Variants in L3MBTL3 observed in about 807,000 individuals in gnomAD.
L3MBTL3 encodes L3MBTL histone methyl-lysine binding protein 3, also known as lethal(3)malignant brain tumor-like protein 3.
In L3MBTL3, 27 loss-of-function variants were observed where a neutral mutation model predicts 102.3. The observed-to-expected ratio is 0.26, with a 90% CI of 0.19 to 0.36. L3MBTL3 has a LOEUF of 0.36. Ranked by LOEUF, L3MBTL3 falls within the 10% of genes least tolerant of loss-of-function variation. L3MBTL3 has a pLI of 1.00. For missense variants in L3MBTL3, 798 were observed against 955.3 expected (o/e 0.84, Z 2.17); for synonymous variants, 340 against 320.9 (o/e 1.06, Z -0.64).
intron 20 of L3MBTL3, among the ~76,000 whole-genome samples, chr6:130,121,472 GC>G (rs780354628): frequency 7.2e-5 from 11 of 152,214 alleles, no homozygotes; most frequent in Admixed American, 2.6e-4. Flanking sequence ...TTTGCAGGCA[GC>G]AAAAGTTTAT....
In L3MBTL3 at chr6:130,133,543, C is replaced by A; in HGVS notation, c.2058C>A (p.Arg686=). 1 of 1,614,104 alleles carries A rather than the reference C, an allele frequency of 6.2e-7. No homozygotes were observed. The change falls in exon 21 of 23, where the codon CGC becomes CGA. Residue 686 remains arginine (R), a synonymous_variant. Transcript: ENST00000361794. This position sits in a 1 kb window ranked among gnomAD's most constrained non-coding sequence, Gnocchi z 4.9. ...FKSPIPCLPL[R]WEQQSKLLPT... ...CCCCAATTCCATGTCTGCCCTTGCG[C>A]TGGGAGCAGCAAAGCAAACTTCTTC...
intron 10 of L3MBTL3, among the ~76,000 whole-genome samples, chr6:130,063,442 G>T (rs1466693800): frequency 1.3e-5 from 2 of 152,108 alleles, no homozygotes; most frequent in Non-Finnish European, 2.9e-5. Flanking sequence ...AGGTGGAGTT[G>T]ATTTTTGTTG....
intron 2 of L3MBTL3, among the ~76,000 whole-genome samples, chr6:130,042,144 T>C (rs935621096): frequency 6.6e-6 from 1 of 152,300 alleles, no homozygotes; most frequent in South Asian, 2.1e-4. Context: ...TGGAAATTTG[T>C]TTTCCAATTT....
At chr6:130,019,366 C>T (rs1347298998) in intron 1 of L3MBTL3, 1 of 147,462 alleles carries the variant, frequency 6.8e-6, no homozygotes, top group Non-Finnish European at 1.5e-5. Flanking sequence ...GGCGCGAGCC[C>T]CGCGCGCCGC....
At chr6:130,125,140 A>G (rs1429834143) in intron 20 of L3MBTL3, among the ~76,000 whole-genome samples, 3 of 152,188 alleles carry the variant, frequency 2.0e-5, no homozygotes, top group Non-Finnish European at 2.9e-5. Flanking sequence ...GGGACTGACT[A>G]CATGGTGGGG....
chr6:130,025,664 T>C (rs909227519), intron 2 of L3MBTL3, among the ~76,000 whole-genome samples: 4 of 152,164 alleles, frequency 2.6e-5, no homozygotes, highest in African/African-American at 9.7e-5. Flanking sequence ...CTGAGTAGAC[T>C]TGGAATTGAT....
At chr6:130,092,364 C>T (rs577660353) in intron 16 of L3MBTL3, among the ~76,000 whole-genome samples, 1 of 152,016 alleles carries the variant, frequency 6.6e-6, no homozygotes, top group South Asian at 2.1e-4. Flanking sequence ...TCTCATCTTC[C>T]CTCCCTCCCT....
chr6:130,118,749 C>T (rs1314131757), intron 19 of L3MBTL3, among the ~76,000 whole-genome samples: 1 of 152,116 alleles, frequency 6.6e-6, no homozygotes, highest in African/African-American at 2.4e-5. Context: ...ACAGTGAAAA[C>T]TGAACATGCT....
At chr6:130,121,838 G>A (rs2114268071) in intron 20 of L3MBTL3, among the ~76,000 whole-genome samples, 1 of 152,292 alleles carries the variant, frequency 6.6e-6, no homozygotes, top group Admixed American at 6.5e-5. Flanking sequence ...CTGAGGTCAG[G>A]AGTTTGAGAC....
chr6:130,084,660 C>G (rs143551976), intron 15 of L3MBTL3, among the ~76,000 whole-genome samples: 2 of 152,110 alleles, frequency 1.3e-5, no homozygotes, highest in African/African-American at 4.8e-5. Context: ...TTGTCTGATG[C>G]GAAGCAGAGC....
chr6:130,088,284 C>A (rs1783817073), intron 16 of L3MBTL3, among the ~76,000 whole-genome samples: 1 of 152,088 alleles, frequency 6.6e-6, no homozygotes, highest in Non-Finnish European at 1.5e-5. Flanking sequence ...CTTTAAAAGG[C>A]TTGTATACAG....
rs112621270 is a variant in L3MBTL3 at position 130,133,094 on chromosome 6, T to A, written c.1967-358T>A. 1.7e-3 allele frequency among the ~76,000 whole-genome samples: 255 copies of A among 152,216 alleles called. No individual in the cohort carries two copies. The highest frequency in any genetic ancestry group is 5.7e-3 in the African/African-American group (238 of 41,536). ...CAACTTGGCTGTTACCTTTACAACA[T>A]CCAAAGCAGAAAGGGGAGCAAATAA... is the stretch of plus-strand genomic sequence containing the variant. On this transcript the variant is annotated intron_variant, in intron 20 of 22. Transcript: ENST00000361794. This position sits in a 1 kb window ranked among gnomAD's most constrained non-coding sequence, Gnocchi z 4.9.
intron 3 of L3MBTL3, among the ~76,000 whole-genome samples, chr6:130,045,131 A>G (rs1780648913): frequency 6.6e-6 from 1 of 152,080 alleles, no homozygotes; most frequent in Admixed American, 6.6e-5. Context: ...TCTTCTTCAC[A>G]TTTTTTAGCA....
chr6:130,037,735 T>C (rs1780148771), intron 2 of L3MBTL3, among the ~76,000 whole-genome samples: 1 of 152,150 alleles, frequency 6.6e-6, no homozygotes, highest in South Asian at 2.1e-4. Context: ...GTCAAGGTAA[T>C]TGGGATATCC....
chr6:130,032,879 G>C (rs545088641), intron 2 of L3MBTL3, among the ~76,000 whole-genome samples: 1 of 152,284 alleles, frequency 6.6e-6, no homozygotes, highest in African/African-American at 2.4e-5. Context: ...TGTAGTGCTG[G>C]CTCCTTGGCA....
At chr6:130,021,517 T>C (rs1209364740) in intron 1 of L3MBTL3, among the ~76,000 whole-genome samples, 1 of 152,250 alleles carries the variant, frequency 6.6e-6, no homozygotes, top group Non-Finnish European at 1.5e-5. Context: ...TGTTTGCTTT[T>C]GCATTTATCG....
At chr6:130,119,866 C>A (rs1373725827) in intron 19 of L3MBTL3, among the ~76,000 whole-genome samples, 1 of 152,104 alleles carries the variant, frequency 6.6e-6, no homozygotes, top group Non-Finnish European at 1.5e-5. Flanking sequence ...GTGTTAGTGT[C>A]ATTGTGTTAA....
chr6:130,127,801 G>T (rs566490550), intron 20 of L3MBTL3, among the ~76,000 whole-genome samples: 3,217 of 151,414 alleles, frequency 0.021, 113 homozygotes, highest in African/African-American at 0.073. Context: ...CCATTTTTTT[G>T]TTTTTTTTAG....
chr6:130,084,355 C>T (rs1241985361), intron 15 of L3MBTL3, among the ~76,000 whole-genome samples: 1 of 151,778 alleles, frequency 6.6e-6, no homozygotes, highest in African/African-American at 2.4e-5. Flanking sequence ...AAAAATATAT[C>T]AAATATTTAT....
Sources: allele counts gnomAD v4.1 joint callset (sites outside exome capture counted in the v4.1 genomes callset), GRCh38; gene constraint gnomAD v4.1.1; non-coding constraint Gnocchi (gnomAD v3.1); transcripts MANE v1.5; gene names NCBI Gene and HGNC (gene_info 2026-07-23, HGNC 2026-07-21).